CEP250: variants seen among roughly 807,000 people sequenced by gnomAD.
CEP250 encodes centrosome-associated protein CEP250.
In CEP250, 242 loss-of-function variants were observed where a neutral mutation model predicts 315.7. The observed-to-expected ratio is 0.77, with a 90% CI of 0.69 to 0.85. CEP250 has a LOEUF of 0.85. Among genes scored for constraint, CEP250 ranks in the 40% least tolerant of loss-of-function variants. CEP250 has a pLI of 0.00. For synonymous variants in CEP250, 1,088 were observed against 1,175.0 expected, an observed-to-expected ratio of 0.93 and a Z score of 1.51; for missense variants, 2,515 against 2,886.4, an observed-to-expected ratio of 0.87 and a Z score of 2.95.
Position 35,503,448 on chromosome 20 carries a change from A to G in CEP250, c.5079A>G (p.Arg1693=), listed in dbSNP as rs548780711. 1 of 1,614,028 alleles carries G rather than the reference A, an allele frequency of 6.2e-7. No individual in the cohort carries two copies. Among genetic ancestry groups the G allele is most frequent in the Non-Finnish European group, 8.5e-7 (1 of 1,180,018 alleles). Residue 1693 remains arginine, a synonymous_variant, in exon 30 of 35, where the codon AGA becomes AGG. Coordinates refer to ENST00000397527, the MANE Select transcript of CEP250 (RefSeq NM_007186.6). The surrounding 1 kb of genome is among the most constrained non-coding windows in gnomAD (Gnocchi z 4.2). ...TGGAACAGATCAAGCTGTCCTTGAGAGAGCGAGGCCGGGAGCTGACCACTC... is the reference window on the plus strand; with the variant it reads ...TGGAACAGATCAAGCTGTCCTTGAGGGAGCGAGGCCGGGAGCTGACCACTC... ...EDLEQIKLSL[R]ERGRELTTQR...
At position 35,474,026 on chromosome 20, in the gene CEP250, C is replaced by T. The variant is rs1305558095; in HGVS notation, c.1545C>T (p.His515=). The T allele has an allele frequency of 6.3e-7, 1 of 1,584,388 alleles. No individual in the cohort carries two copies. The highest frequency in any genetic ancestry group is 1.9e-5 in the Admixed American group (1 of 52,100). Residue 515 remains histidine, a synonymous_variant, in exon 14 of 35, where the codon CAC becomes CAT. Coordinates refer to ENST00000397527, the MANE Select transcript of CEP250 (RefSeq NM_007186.6). ...AGGAGGAACAGCAGGAGGAGCTGCA[C>T]CTGGCTGTCCGGGAGAGGGAGCGTC... ...GQKEEQQEEL[H]LAVRERERLQ... is the part of the protein sequence containing the mutation.
intron 16 of CEP250, among the ~76,000 whole-genome samples, chr20:35,477,065 C>T (rs939637243): frequency 6.6e-6 from 1 of 151,782 alleles, no homozygotes; most frequent in African/African-American, 2.4e-5. Flanking sequence ...GGCTGGAGTA[C>T]AGTGGCACGA....
intron 13 of CEP250, 118 bp downstream of exon 13, chr20:35,473,670 T>C (rs2063086691): frequency 2.6e-6 from 3 of 1,157,342 alleles, no homozygotes; most frequent in Admixed American, 5.7e-5. Flanking sequence ...TCCTTGAGAC[T>C]CAGGGCTGTT....
chr20:35,481,797 G>A (rs1440731196), intron 20 of CEP250, among the ~76,000 whole-genome samples: 1 of 151,970 alleles, frequency 6.6e-6, no homozygotes, highest in East Asian at 1.9e-4. Flanking sequence ...TGGCCTCCTG[G>A]GCTCAGGTGA....
rs2064359460 is a variant in CEP250 at position 35,511,504 on chromosome 20, G to C, written c.7207G>C (p.Glu2403Gln). 6.2e-7 allele frequency: 1 copy of C among 1,614,162 alleles called. No homozygotes were observed. Among genetic ancestry groups the C allele is most frequent in the African/African-American group, 1.3e-5 (1 of 75,030 alleles). Residue 2403 changes from glutamate to glutamine, a missense_variant, in exon 35 of 35, where the codon GAG (glutamate) becomes CAG (glutamine). By Grantham distance (29) the Glu-to-Gln change is conservative (BLOSUM62 2). Coordinates refer to ENST00000397527, the MANE Select transcript of CEP250 (RefSeq NM_007186.6). The part of the protein sequence containing the change: ...HSLLAVAQAP[E>Q]ATVLEAETRR... ...ACTTCTTGCCGTGGCCCAGGCCCCT[G>C]AGGCCACTGTCCTGGAGGCAGAGAC...
chr20:35,490,260 C>T lies in CEP250; in HGVS notation c.2587-377C>T, dbSNP rs552146426. Among the ~76,000 whole-genome samples, 15 of 152,142 alleles carry T rather than the reference C, an allele frequency of 9.9e-5. No homozygotes were observed. In the South Asian group the frequency reaches 1.7e-3, roughly 17 times the overall value. On this transcript the variant is annotated intron_variant, in intron 20 of 34. Transcript: ENST00000397527. Reference sequence around the variant, plus strand: ...CCTGAAAGGTGGAGGTTGCAGTGAGCGGAGATCGTGCCACTGCAGTCCAGC... The same window carrying T: ...CCTGAAAGGTGGAGGTTGCAGTGAGTGGAGATCGTGCCACTGCAGTCCAGC...
chr20:35,506,713 A>G (rs766920319), intron 30 of CEP250, among the ~76,000 whole-genome samples: 2 of 152,300 alleles, frequency 1.3e-5, no homozygotes, highest in Non-Finnish European at 2.9e-5. Context: ...TTTGAAATAC[A>G]GTAGTGCGGC....
chr20:35,511,521 G>A lies in CEP250; in HGVS notation c.7224G>A (p.Glu2408=), dbSNP rs1290565870. ...AGGCCCCTGAGGCCACTGTCCTGGA[G>A]GCAGAGACCCGCAGGCTGGATGAGT... The part of the protein sequence containing the change: ...VAQAPEATVL[E]AETRRLDESL... Residue 2408 remains glutamate, a synonymous_variant, in exon 35 of 35, where the codon GAG becomes GAA. Coordinates refer to ENST00000397527, the MANE Select transcript of CEP250 (RefSeq NM_007186.6). 4 of 1,613,990 alleles carry A rather than the reference G, an allele frequency of 2.5e-6. No individual in the cohort carries two copies. Among genetic ancestry groups the A allele is most frequent in the African/African-American group, 1.3e-5 (1 of 74,906 alleles).
At chr20:35,460,955 T>C (rs1321146337) in intron 3 of CEP250, among the ~76,000 whole-genome samples, 1 of 152,228 alleles carries the variant, frequency 6.6e-6, no homozygotes, top group Non-Finnish European at 1.5e-5. Flanking sequence ...TGATAAGATG[T>C]AGAGTAGACA....
At position 35,503,743 on chromosome 20, in the gene CEP250, G is replaced by A. The variant is rs1306158257; in HGVS notation, c.5374G>A (p.Glu1792Lys). Residue 1792 changes from glutamate (E) to lysine (K), a missense_variant, in exon 30 of 35, where the codon GAA (glutamate) becomes AAA (lysine). Physicochemically the swap from Glu to Lys is moderately conservative, Grantham distance 56 (BLOSUM62 1). Transcript: ENST00000397527. The surrounding 1 kb of genome is among the most constrained non-coding windows in gnomAD (Gnocchi z 4.2). ...VLQQQLQEAREQGELKEQSLQ... is the reference protein window; with the variant it reads ...VLQQQLQEARKQGELKEQSLQ... ...GCAGCAGCAACTGCAGGAAGCCAGG[G>A]AACAAGGGGAGCTGAAGGAGCAGTC... 1 of 1,614,044 alleles carries A rather than the reference G, an allele frequency of 6.2e-7. No homozygotes were observed. The highest frequency in any genetic ancestry group is 8.5e-7 in the Non-Finnish European group (1 of 1,180,010).
intron 27 of CEP250, 22 bp downstream of exon 27, chr20:35,498,738 T>G (rs2063919658): frequency 1.3e-6 from 2 of 1,550,006 alleles, no homozygotes; most frequent in African/African-American, 2.8e-5. Context: ...TGCTCCCCTT[T>G]CCCGAACTCT....
At chr20:35,475,740 C>A in intron 15 of CEP250, 94 bp downstream of exon 15, 1 of 1,306,984 alleles carries the variant, frequency 7.7e-7, no homozygotes, top group Non-Finnish European at 1.1e-6. Flanking sequence ...AGCCAGGATC[C>A]CTCATCTTTC....
Position 35,511,555 on chromosome 20 carries a change from C to T in CEP250, c.7258C>T (p.Gln2420Ter). 6.2e-7 allele frequency: 1 copy of T among 1,614,012 alleles called. No homozygotes were observed. The highest frequency in any genetic ancestry group is 8.5e-7 in the Non-Finnish European group (1 of 1,180,006). Residue 2420 changes from glutamine to a stop codon, truncating the protein, a stop_gained, in exon 35 of 35, where the codon CAA (glutamine) becomes TAA (stop). Coordinates refer to ENST00000397527, the MANE Select transcript of CEP250 (RefSeq NM_007186.6). LOFTEE classifies it high-confidence loss of function. ...CCGCAGGCTGGATGAGTCCCTGACT[C>T]AAAGTCTGACATCCCCAGGGCCAGT... is the stretch of plus-strand genomic sequence containing the variant. ...ETRRLDESLT[Q>*]SLTSPGPVLL...
intron 3 of CEP250, among the ~76,000 whole-genome samples, chr20:35,461,606 A>G (rs1339365273): frequency 1.3e-5 from 2 of 152,172 alleles, no homozygotes; most frequent in African/African-American, 4.8e-5. Flanking sequence ...CAGATAGACT[A>G]CTTGTGTTCA....
chr20:35,455,945 G>T (rs577343276), intron 1 of CEP250, among the ~76,000 whole-genome samples, 194 bp downstream of exon 1: 1 of 152,332 alleles, frequency 6.6e-6, no homozygotes, highest in African/African-American at 2.4e-5. Context: ...GCCCAGGCTG[G>T]AGTGCAATGG....
intron 8 of CEP250, 99 bp from the exon 9 acceptor site, chr20:35,467,205 A>AT: frequency 1.4e-6 from 2 of 1,474,522 alleles, no homozygotes; most frequent in Non-Finnish European, 1.9e-6. Context: ...GAAGCAGATG[A>AT]TTTTTCCCAG....
intron 33 of CEP250, 89 bp downstream of exon 33, chr20:35,509,133 C>T (rs1032213669): frequency 3.9e-5 from 40 of 1,013,474 alleles, no homozygotes; most frequent in Non-Finnish European, 5.8e-5. Context: ...CCCGGGCCAA[C>T]AGCACTTCAG....
intron 30 of CEP250, 72 bp from the exon 31 acceptor site, chr20:35,507,666 T>C (rs1009586121): frequency 1.2e-5 from 14 of 1,155,824 alleles, no homozygotes; most frequent in Admixed American, 8.1e-5. Flanking sequence ...AACCGCTGTT[T>C]GTGTGGAGGA....
At position 35,465,730 on chromosome 20, in the gene CEP250, C is replaced by G; in HGVS notation, c.244-13C>G. On this transcript the variant is annotated splice_polypyrimidine_tract_variant and intron_variant, in intron 5 of 34. Coordinates refer to ENST00000397527, the MANE Select transcript of CEP250 (RefSeq NM_007186.6). Reference sequence around the variant, plus strand: ...CTTTGGAGGTAAGTAAGGCTTGTCTCTGTCTGGCGCAGGGACCAATCCCCC... The same window carrying G: ...CTTTGGAGGTAAGTAAGGCTTGTCTGTGTCTGGCGCAGGGACCAATCCCCC... 6.3e-7 allele frequency: 1 copy of G among 1,578,128 alleles called. No homozygotes were observed. Among genetic ancestry groups the G allele is most frequent in the Non-Finnish European group, 8.6e-7 (1 of 1,163,142 alleles).
Sources: allele counts gnomAD v4.1 joint callset (sites outside exome capture counted in the v4.1 genomes callset), GRCh38; gene constraint gnomAD v4.1.1; non-coding constraint Gnocchi (gnomAD v3.1); transcripts MANE v1.5; gene names NCBI Gene and HGNC (gene_info 2026-07-23, HGNC 2026-07-21).